SLCO1C1: variants seen among roughly 807,000 people sequenced by gnomAD.
SLCO1C1 encodes the protein OAT-RP-5.
SLCO1C1 carries 70 observed loss-of-function variants against 76.4 expected under a neutral mutation model. The ratio of observed to expected loss-of-function variants is 0.92; its 90% CI spans 0.76 to 1.12. The LOEUF (loss-of-function observed/expected upper bound fraction) is 1.12. Ranked by LOEUF, SLCO1C1 falls within the 50% of genes most tolerant of loss-of-function variation. The pLI is 0.00. For synonymous variants in SLCO1C1, 306 were observed against 286.1 expected (o/e 1.07, Z -0.70); for missense variants, 912 against 823.8 (o/e 1.11, Z -1.31).
At chr12:20,726,426 A>G (rs571987466) in intron 9 of SLCO1C1, among the ~76,000 whole-genome samples, 1 of 152,150 alleles carries the variant, frequency 6.6e-6, no homozygotes, top group East Asian at 1.9e-4. Context: ...TACAACGACA[A>G]CTTAGTCTTC....
At chr12:20,747,933 T>C (rs1317845346) in intron 13 of SLCO1C1, among the ~76,000 whole-genome samples, 1 of 152,222 alleles carries the variant, frequency 6.6e-6, no homozygotes. Context: ...TGTCCCTAAC[T>C]ACTTACCCAA....
chr12:20,715,263 A>G lies in SLCO1C1; in HGVS notation c.654A>G (p.Glu218=). 1 of 1,614,074 alleles carries G rather than the reference A, an allele frequency of 6.2e-7. No individual in the cohort carries two copies. The highest frequency in any genetic ancestry group is 8.5e-7 in the Non-Finnish European group (1 of 1,179,936). The change falls in exon 6 of 15, where the codon GAA becomes GAG. Residue 218 remains glutamate, a synonymous_variant. Coordinates refer to ENST00000266509, the MANE Select transcript of SLCO1C1 (RefSeq NM_017435.5). ...GIAYLDDFAS[E]DNAAFYIGCV... ...CCTACCTGGATGATTTTGCCAGTGA[A>G]GACAATGCAGCTTTCTATATTGGTA...
chr12:20,710,631 G>A (rs1010778509), intron 4 of SLCO1C1, among the ~76,000 whole-genome samples: 3 of 152,084 alleles, frequency 2.0e-5, no homozygotes, highest in Non-Finnish European at 4.4e-5. Context: ...GGAAAGGGTG[G>A]AATTAGAAGT....
chr12:20,721,665 TA>T (rs34902740), intron 7 of SLCO1C1, 138 bp from the exon 8 acceptor site: 323,871 of 950,874 alleles, frequency 0.34, 38,607 homozygotes, highest in Non-Finnish European at 0.36. Context: ...AAGATCCAGA[TA>T]AAAAAAAAAA....
intron 9 of SLCO1C1, among the ~76,000 whole-genome samples, chr12:20,725,160 ATAAT>A (rs1456983690): frequency 1.5e-5 from 2 of 135,100 alleles, no homozygotes; most frequent in East Asian, 4.1e-4. Flanking sequence ...AATAATTTTT[ATAAT>A]TATTATTTAT....
intron 9 of SLCO1C1, among the ~76,000 whole-genome samples, chr12:20,728,785 C>T (rs534020765): frequency 6.6e-6 from 1 of 152,088 alleles, no homozygotes; most frequent in African/African-American, 2.4e-5. Flanking sequence ...AAACATTTTA[C>T]ACATCCTTCA....
At chr12:20,721,455 C>A (rs1947666027) in intron 7 of SLCO1C1, among the ~76,000 whole-genome samples, 1 of 151,826 alleles carries the variant, frequency 6.6e-6, no homozygotes. Flanking sequence ...ATTTTTTAAG[C>A]AATAACTTTT....
intron 14 of SLCO1C1, 155 bp downstream of exon 14, chr12:20,750,947 A>G: frequency 7.2e-7 from 1 of 1,386,058 alleles, no homozygotes; most frequent in Admixed American, 2.1e-5. Flanking sequence ...GAATAATTAT[A>G]TTATTATTTG....
intron 3 of SLCO1C1, among the ~76,000 whole-genome samples, chr12:20,701,957 C>T (rs936230039): frequency 4.6e-5 from 7 of 151,894 alleles, no homozygotes; most frequent in Admixed American, 4.6e-4. Flanking sequence ...TTACCAAGAA[C>T]ACAAGATCAG....
intron 8 of SLCO1C1, among the ~76,000 whole-genome samples, chr12:20,722,482 T>C (rs1947728203): frequency 6.6e-6 from 1 of 152,226 alleles, no homozygotes; most frequent in African/African-American, 2.4e-5. Flanking sequence ...CCCAGTGTTC[T>C]AATGAACCCC....
intron 12 of SLCO1C1, among the ~76,000 whole-genome samples, chr12:20,741,739 TA>T (rs869052210): frequency 3.7e-5 from 2 of 53,816 alleles, no homozygotes; most frequent in Non-Finnish European, 1.4e-4. Flanking sequence ...GTCTCAGTTA[TA>T]ATATTTTCAT....
intron 13 of SLCO1C1, among the ~76,000 whole-genome samples, chr12:20,744,247 C>G (rs1948942467): frequency 6.6e-6 from 1 of 151,960 alleles, no homozygotes; most frequent in Non-Finnish European, 1.5e-5. Context: ...ATATGCCTGG[C>G]AAGAATTGGC....
intron 10 of SLCO1C1, 46 bp from the exon 11 acceptor site, chr12:20,737,061 C>T (rs778295906): frequency 2.2e-6 from 3 of 1,391,030 alleles, no homozygotes; most frequent in South Asian, 3.6e-5. Context: ...TATTCGGGTG[C>T]TACCTGCTAA....
At position 20,732,974 on chromosome 12, in the gene SLCO1C1, A is replaced by C; in HGVS notation, c.1252A>C (p.Arg418=). 4 of 1,614,072 alleles carry C rather than the reference A, an allele frequency of 2.5e-6. No individual in the cohort carries two copies. The highest frequency in any genetic ancestry group is 3.4e-6 in the Non-Finnish European group (4 of 1,179,964). The change falls in exon 10 of 15, where the codon AGA becomes CGA. Residue 418 remains arginine (R), a synonymous_variant. Coordinates refer to ENST00000266509, the MANE Select transcript of SLCO1C1 (RefSeq NM_017435.5). ...FSGGIVMKKF[R]ISVCGAAKLY... is the part of the protein sequence containing the mutation. Reference sequence around the variant, plus strand: ...TGGGGGGATAGTTATGAAAAAATTCAGAATCAGTGTGTGTGGAGCTGCAAA... The same window carrying C: ...TGGGGGGATAGTTATGAAAAAATTCCGAATCAGTGTGTGTGGAGCTGCAAA...
intron 8 of SLCO1C1, 104 bp from the exon 9 acceptor site, chr12:20,722,986 T>C (rs1947754411): frequency 2.0e-6 from 2 of 977,806 alleles, no homozygotes; most frequent in Non-Finnish European, 3.1e-6. Context: ...ACTCCCAAAC[T>C]GTGTGACAAT....
chr12:20,707,601 T>G (rs12809378), intron 4 of SLCO1C1, among the ~76,000 whole-genome samples: 5,219 of 152,250 alleles, frequency 0.034, 122 homozygotes, highest in Middle Eastern at 0.054. Context: ...GATAATGCCA[T>G]TGCAAATATT....
intron 13 of SLCO1C1, among the ~76,000 whole-genome samples, chr12:20,747,050 A>C (rs1949079233): frequency 6.6e-6 from 1 of 152,220 alleles, no homozygotes; most frequent in South Asian, 2.1e-4. Flanking sequence ...TGTTTTTAAA[A>C]AATGTCATCA....
At chr12:20,712,794 T>C (rs1219712059) in intron 5 of SLCO1C1, among the ~76,000 whole-genome samples, 1 of 151,716 alleles carries the variant, frequency 6.6e-6, no homozygotes, top group East Asian at 1.9e-4. Context: ...TAAAAACATA[T>C]GGAAATGTGG....
chr12:20,717,446 T>C lies in SLCO1C1; in HGVS notation c.775+216T>C, dbSNP rs1318173100. Among the ~76,000 whole-genome samples, 4 of 151,980 alleles carry C rather than the reference T, an allele frequency of 2.6e-5. No individual in the cohort carries two copies. The East Asian group carries it at 7.7e-4, about 29-fold the overall frequency. ...GAACTGGATGACCAATGGTTTGTTATTAAGATCTATCTTTTTTCACTTTTG... is the reference window on the plus strand; with the variant it reads ...GAACTGGATGACCAATGGTTTGTTACTAAGATCTATCTTTTTTCACTTTTG... On this transcript the variant is annotated intron_variant, in intron 7 of 14. Coordinates refer to ENST00000266509, the MANE Select transcript of SLCO1C1 (RefSeq NM_017435.5).
Sources: allele counts gnomAD v4.1 joint callset (sites outside exome capture counted in the v4.1 genomes callset), GRCh38; gene constraint gnomAD v4.1.1; transcripts MANE v1.5; gene names NCBI Gene and HGNC (gene_info 2026-07-23, HGNC 2026-07-21).